Variants in HOOK3 observed in about 807,000 individuals in gnomAD.
HOOK3 encodes hook microtubule tethering protein 3, also known as protein Hook homolog 3.
Under a neutral mutation model 116.3 loss-of-function variants are expected in HOOK3, and 24 were observed. The observed-to-expected ratio is 0.21, with a 90% confidence interval of 0.15 to 0.29. The LOEUF (loss-of-function observed/expected upper bound fraction) is 0.29. Ranked by LOEUF, HOOK3 falls within the 10% of genes least tolerant of loss-of-function variation. The pLI, the probability that HOOK3 is intolerant of heterozygous loss-of-function variation, is 1.00. For missense variants in HOOK3, 632 were observed against 830.2 expected (o/e 0.76, Z 2.93); for synonymous variants, 275 against 283.0 (o/e 0.97, Z 0.28).
rs1806996616 is a variant in HOOK3, at chr8:42,897,065, G to A, written c.-67G>A. ...GCCGAGTCAGCTGCGCGGGCCCCCG[G>A]ATCCCCCGACAGAGCGGCGGCGGTG... is the stretch of plus-strand genomic sequence containing the variant. On this transcript the variant is annotated 5_prime_UTR_variant, in exon 1 of 22. Coordinates refer to ENST00000307602, the MANE Select transcript of HOOK3 (RefSeq NM_032410.4). The A allele has an allele frequency of 8.4e-6, 10 of 1,186,664 alleles. No homozygotes were observed. The highest frequency in any genetic ancestry group is 3.2e-5 in the African/African-American group (2 of 63,354). 73.5% of individuals were successfully genotyped at this position (1,186,664 alleles called of 1,614,324 possible).
At chr8:42,898,859 A>T (rs547947507) in intron 1 of HOOK3, among the ~76,000 whole-genome samples, 1 of 152,238 alleles carries the variant, frequency 6.6e-6, no homozygotes, top group Non-Finnish European at 1.5e-5. Context: ...AGCTTGGTCT[A>T]CCTTAAACGT....
chr8:43,011,449 A>ATGTGTG (rs147559520), intron 19 of HOOK3, among the ~76,000 whole-genome samples: 18 of 150,248 alleles, frequency 1.2e-4, no homozygotes, highest in African/African-American at 3.7e-4. Context: ...AAGTAACAGC[A>ATGTGTG]TGTGTGTGTG....
At chr8:42,977,731 G>C (rs1808855032) in intron 13 of HOOK3, among the ~76,000 whole-genome samples, 1 of 152,064 alleles carries the variant, frequency 6.6e-6, no homozygotes, top group South Asian at 2.1e-4. Flanking sequence ...GCCAGGCATG[G>C]TGGTGCGTGC....
intron 2 of HOOK3, among the ~76,000 whole-genome samples, chr8:42,918,749 G>C (rs1035507344): frequency 6.6e-6 from 1 of 152,172 alleles, no homozygotes; most frequent in Admixed American, 6.5e-5. Context: ...TGGGGGTAAG[G>C]TTATAGATTA....
chr8:42,909,416 G>A (rs1807379027), intron 2 of HOOK3, among the ~76,000 whole-genome samples: 1 of 152,326 alleles, frequency 6.6e-6, no homozygotes, highest in East Asian at 1.9e-4. Flanking sequence ...CGAATGGATC[G>A]ATGAGAAAGA....
chr8:43,004,784 A>G (rs546531336), intron 17 of HOOK3, among the ~76,000 whole-genome samples: 1 of 152,138 alleles, frequency 6.6e-6, no homozygotes, highest in East Asian at 1.9e-4. Flanking sequence ...GATGTTGAGC[A>G]ATGGCAATTC....
At chr8:42,948,825 T>G (rs1157599223) in intron 5 of HOOK3, among the ~76,000 whole-genome samples, 1 of 152,336 alleles carries the variant, frequency 6.6e-6, no homozygotes, top group East Asian at 1.9e-4. Flanking sequence ...TTTGACTAAA[T>G]AGTGATTAAG....
At chr8:43,011,032 G>T (rs28718980) in intron 19 of HOOK3, among the ~76,000 whole-genome samples, 1 of 151,230 alleles carries the variant, frequency 6.6e-6, no homozygotes, top group Non-Finnish European at 1.5e-5. Context: ...TCGCTCTGTC[G>T]CCCAGGCTGG....
intron 1 of HOOK3, among the ~76,000 whole-genome samples, chr8:42,897,552 C>G (rs940515408): frequency 9.2e-5 from 14 of 152,222 alleles, no homozygotes; most frequent in Non-Finnish European, 1.8e-4. Context: ...AGGACGGGCC[C>G]GGCTCCGGCC....
chr8:42,929,786 C>T (rs1807839921), intron 3 of HOOK3, among the ~76,000 whole-genome samples: 3 of 152,054 alleles, frequency 2.0e-5, no homozygotes, highest in Non-Finnish European at 4.4e-5. Context: ...CTCAAGTCTT[C>T]ATTAAGGATG....
rs1809839461 is a variant in HOOK3 at position 43,022,042 on chromosome 8, T to C, written c.*3544T>C. The C allele has an allele frequency of 1.1e-5, 2 of 187,936 alleles. No individual in the cohort carries two copies. The highest frequency in any genetic ancestry group is 1.7e-4 in the East Asian group (2 of 11,876). 11.6% of individuals were successfully genotyped at this position (187,936 alleles called of 1,614,324 possible). A position where few individuals can be genotyped will look rare whatever the true frequency, so the allele number is the denominator to read the frequency against. Reference sequence around the variant, plus strand: ...GTTTCATTACATAGGAGAAATTATATTTCTAAACATTTTATGATGTTTAAA... The same window carrying C: ...GTTTCATTACATAGGAGAAATTATACTTCTAAACATTTTATGATGTTTAAA... On this transcript the variant is annotated 3_prime_UTR_variant, in exon 22 of 22. Coordinates refer to ENST00000307602, the MANE Select transcript of HOOK3 (RefSeq NM_032410.4).
Position 43,022,954 on chromosome 8 carries a change from C to G in HOOK3, c.*4456C>G, listed in dbSNP as rs939232029. On this transcript the variant is annotated 3_prime_UTR_variant, in exon 22 of 22. Transcript: ENST00000307602. Reference sequence around the variant, plus strand: ...AGGTGCGGTGGCTCACGCCTGTAATCCCAGCACTTTGGGAGGCCAAGGCAG... The same window carrying G: ...AGGTGCGGTGGCTCACGCCTGTAATGCCAGCACTTTGGGAGGCCAAGGCAG... 1 of 159,874 alleles carries G rather than the reference C, an allele frequency of 6.3e-6. No individual in the cohort carries two copies. Among genetic ancestry groups the G allele is most frequent in the Admixed American group, 6.5e-5 (1 of 15,464 alleles). The allele number at this position is 159,874 out of a possible 1,614,324, so 9.9% of individuals were successfully genotyped here. A position where few individuals can be genotyped will look rare whatever the true frequency, so the allele number is the denominator to read the frequency against.
intron 1 of HOOK3, among the ~76,000 whole-genome samples, chr8:42,901,403 G>A (rs1807186246): frequency 1.3e-5 from 2 of 152,008 alleles, no homozygotes; most frequent in Non-Finnish European, 2.9e-5. Context: ...ATTAAGGTAC[G>A]GTTTACATAC....
chr8:42,958,793 T>C (rs1003819050), intron 7 of HOOK3, among the ~76,000 whole-genome samples: 5 of 151,900 alleles, frequency 3.3e-5, no homozygotes, highest in South Asian at 2.1e-4. Flanking sequence ...AATATGACTC[T>C]CCTTCCCCCA....
At position 42,975,145 on chromosome 8, in the gene HOOK3, G is replaced by A. The variant is rs780501873; in HGVS notation, c.1321+951G>A. ...GGAGGCCAGGCTCTTGAGGGGTTGCGGGGAGGAGAGAGCCCGCCTGTTTCC... is the reference window on the plus strand; with the variant it reads ...GGAGGCCAGGCTCTTGAGGGGTTGCAGGGAGGAGAGAGCCCGCCTGTTTCC... On this transcript the variant is annotated intron_variant, in intron 13 of 21. Transcript: ENST00000307602. Among the ~76,000 whole-genome samples, 13 of 152,186 alleles carry A rather than the reference G, an allele frequency of 8.5e-5. 1 individual carries two copies. In the South Asian group the frequency reaches 1.9e-3, roughly 22 times the overall value.
Position 42,974,156 on chromosome 8 carries a change from G to T in HOOK3, c.1283G>T (p.Arg428Leu). The T allele has an allele frequency of 1.9e-6, 3 of 1,613,978 alleles. No homozygotes were observed. Among genetic ancestry groups the T allele is most frequent in the Non-Finnish European group, 2.5e-6 (3 of 1,179,856 alleles). ...CTGAAGGAAACCATTGAAGAGCTTC[G>T]TTGTGTACAAGCTCAAGAAGGGCAG... The part of the protein sequence containing the change: ...DSLKETIEEL[R>L]CVQAQEGQLT... Residue 428 changes from arginine (R) to leucine (L), a missense_variant, in exon 13 of 22, where the codon CGT (arginine) becomes CTT (leucine). By Grantham distance (102) the Arg-to-Leu change is moderately radical. Around this residue, in one of 3 missense-constraint regions of HOOK3, gnomAD observed 483 missense variants for 648.1 expected, o/e 0.75. Transcript: ENST00000307602.
chr8:42,935,172 T>G (rs1005896812), intron 4 of HOOK3, among the ~76,000 whole-genome samples: 13 of 152,242 alleles, frequency 8.5e-5, no homozygotes, highest in Non-Finnish European at 1.8e-4. Flanking sequence ...ATATGTTTAT[T>G]GGCCATATAA....
intron 10 of HOOK3, among the ~76,000 whole-genome samples, chr8:42,967,499 G>A (rs1808653323): frequency 6.6e-6 from 1 of 152,006 alleles, no homozygotes; most frequent in Non-Finnish European, 1.5e-5. Flanking sequence ...TGGCCTACGC[G>A]GGGACTGTGT....
At position 42,982,265 on chromosome 8, in the gene HOOK3, A is replaced by G. The variant is rs867447158; in HGVS notation, c.1322-362A>G. Reference sequence around the variant, plus strand: ...GTGAGACTCTGTCTTAAAAAAAAAAAAAAAAGAAAAAAAAAAAGAAAAAAG... The same window carrying G: ...GTGAGACTCTGTCTTAAAAAAAAAAGAAAAAGAAAAAAAAAAAGAAAAAAG... On this transcript the variant is annotated intron_variant, in intron 13 of 21. Transcript: ENST00000307602. Among the ~76,000 whole-genome samples, 106 of 142,306 alleles carry G rather than the reference A, an allele frequency of 7.4e-4. 1 individual carries two copies. The Middle Eastern group carries it at 0.014, about 19-fold the overall frequency. 93.4% of individuals were successfully genotyped at this position (142,306 alleles called of 152,430 possible).
Sources: gnomAD v4.1 joint callset for allele counts (sites outside exome capture counted in the v4.1 genomes callset) on GRCh38, gnomAD v4.1.1 for gene constraint, gnomAD v4.1.1 regional missense constraint, MANE v1.5 for transcripts, NCBI Gene and HGNC (gene_info 2026-07-23, HGNC 2026-07-21) for gene names.